Variants in SLC2A3 observed in about 807,000 individuals in gnomAD.
SLC2A3 encodes solute carrier family 2, facilitated glucose transporter member 3.
In SLC2A3, 21 loss-of-function variants were observed where a neutral mutation model predicts 46.4. The observed-to-expected ratio is 0.45, with a 90% CI of 0.32 to 0.65. SLC2A3 has a LOEUF of 0.65. SLC2A3 is among the 30% of genes least tolerant of loss of function. The pLI is 0.04. For missense variants in SLC2A3, 499 were observed against 623.3 expected (o/e 0.80, Z 2.12); for synonymous variants, 213 against 239.4 (o/e 0.89, Z 1.02).
intron 3 of SLC2A3, chr12:7,932,728 A>ATT: frequency 2.3e-6 from 1 of 425,572 alleles, no homozygotes; most frequent in Non-Finnish European, 4.2e-6. Flanking sequence ...CTAGGGAATA[A>ATT]TTCTGAACTA....
At chr12:7,922,247 T>C (rs1030458931) in intron 9 of SLC2A3, among the ~76,000 whole-genome samples, 2 of 152,110 alleles carry the variant, frequency 1.3e-5, no homozygotes, top group African/African-American at 2.4e-5. Context: ...GTATTTATTG[T>C]AGAAACAGGG....
rs972813335 is a variant in SLC2A3 at position 7,922,930 on chromosome 12, A to G, written c.1163T>C (p.Ile388Thr). Residue 388 changes from isoleucine (I) to threonine (T), a missense_variant, in exon 9 of 10, where the codon ATT becomes ACT. By Grantham distance (89) the Ile-to-Thr change is moderately conservative. Transcript: ENST00000075120. ...EIGPGPIPWFIVAELFSQGPR... is the reference protein window; with the variant it reads ...EIGPGPIPWFTVAELFSQGPR... ...GCCCTGGCTGAAGAGTTCGGCCACA[A>G]TAAACCAGGGAATGGGGCCTGGTCC... 43 of 1,614,030 alleles carry G rather than the reference A, an allele frequency of 2.7e-5. 1 individual carries two copies. Among genetic ancestry groups the G allele is most frequent in the Non-Finnish European group, 3.4e-5 (40 of 1,180,032 alleles).
intron 6 of SLC2A3, among the ~76,000 whole-genome samples, chr12:7,926,860 TA>T (rs771093931): frequency 1.1e-4 from 16 of 152,132 alleles, no homozygotes; most frequent in Non-Finnish European, 2.2e-4. Flanking sequence ...CAATTTAATA[TA>T]TATTAAATAA....
intron 1 of SLC2A3, 40 bp downstream of exon 1, chr12:7,935,980 C>G (rs1221897842): frequency 6.5e-7 from 1 of 1,542,408 alleles, no homozygotes; most frequent in African/African-American, 1.4e-5. Context: ...TGAGTGTATC[C>G]CAAACAAGCA....
chr12:7,929,236 C>T (rs1946126572), intron 6 of SLC2A3, among the ~76,000 whole-genome samples: 1 of 152,056 alleles, frequency 6.6e-6, no homozygotes, highest in African/African-American at 2.4e-5. Flanking sequence ...CTAGAAGGCA[C>T]AGGAATACTC....
intron 8 of SLC2A3, among the ~76,000 whole-genome samples, chr12:7,923,785 T>A (rs1169136797): frequency 2.2e-5 from 3 of 136,908 alleles, no homozygotes; most frequent in Non-Finnish European, 4.9e-5. Context: ...TTTTTTTTTT[T>A]GAGAGAGAGT....
At chr12:7,934,461 C>T (rs1158484886) in intron 1 of SLC2A3, among the ~76,000 whole-genome samples, 1 of 151,754 alleles carries the variant, frequency 6.6e-6, no homozygotes, top group Non-Finnish European at 1.5e-5. Context: ...TTTCAGTCTT[C>T]GTTTATTAAA....
chr12:7,922,199 G>T (rs1654208874), intron 9 of SLC2A3, among the ~76,000 whole-genome samples: 1 of 151,728 alleles, frequency 6.6e-6, no homozygotes, highest in South Asian at 2.1e-4. Flanking sequence ...CGCTCACTGG[G>T]ATTACAGTCA....
rs1448449240 is a variant in SLC2A3 at position 7,932,772 on chromosome 12, A to AG, written c.269+214dup. Reference sequence around the variant, plus strand: ...TGGACTGCAAAGGCCAATCACTCACAGTTCATCTCTTGCACAGCTGGGTGG... The same window carrying AG: ...TGGACTGCAAAGGCCAATCACTCACAGGTTCATCTCTTGCACAGCTGGGTGG... On this transcript the variant is annotated intron_variant, in intron 3 of 9. Coordinates refer to ENST00000075120, the MANE Select transcript of SLC2A3 (RefSeq NM_006931.3). 2.9e-5 allele frequency: 17 copies of AG among 589,522 alleles called. No individual in the cohort carries two copies. The East Asian group carries it at 4.9e-4, about 17-fold the overall frequency. 36.5% of individuals were successfully genotyped at this position (589,522 alleles called of 1,614,324 possible). A position where few individuals can be genotyped will look rare whatever the true frequency, so the allele number is the denominator to read the frequency against.
intron 6 of SLC2A3, among the ~76,000 whole-genome samples, chr12:7,928,233 A>C (rs1946114923): frequency 6.6e-6 from 1 of 151,896 alleles, no homozygotes; most frequent in Non-Finnish European, 1.5e-5. Context: ...CCTGTTCTCT[A>C]CTAAAAATAC....
intron 6 of SLC2A3, among the ~76,000 whole-genome samples, chr12:7,927,580 G>A (rs1354634728): frequency 1.3e-5 from 2 of 152,076 alleles, no homozygotes; most frequent in Non-Finnish European, 2.9e-5. Context: ...TGCAAAGTAG[G>A]TTGGAAAAGT....
chr12:7,929,989 C>G, intron 5 of SLC2A3, 118 bp from the exon 6 acceptor site: 1 of 1,230,178 alleles, frequency 8.1e-7, no homozygotes, highest in Non-Finnish European at 1.1e-6. Flanking sequence ...GCATCCATTC[C>G]TTTTTTTTTT....
At chr12:7,928,315 T>G (rs1946115749) in intron 6 of SLC2A3, among the ~76,000 whole-genome samples, 1 of 151,888 alleles carries the variant, frequency 6.6e-6, no homozygotes, top group South Asian at 2.1e-4. Context: ...GGAGAATCGC[T>G]TGAACCCAGG....
rs941734885 is a variant in SLC2A3, at chr12:7,932,102, G to A, written c.270-617C>T. On this transcript the variant is annotated intron_variant, in intron 3 of 9. Transcript: ENST00000075120. Reference sequence around the variant, plus strand: ...TCACCGTGTTAGCCAGGATGGTCTCGATCTCCTGACCTTGTTATCTGCCCG... The same window carrying A: ...TCACCGTGTTAGCCAGGATGGTCTCAATCTCCTGACCTTGTTATCTGCCCG... Among the ~76,000 whole-genome samples the A allele has an allele frequency of 3.3e-5, 5 of 151,552 alleles. No individual in the cohort carries two copies. The East Asian group carries it at 7.8e-4, about 24-fold the overall frequency.
intron 6 of SLC2A3, among the ~76,000 whole-genome samples, chr12:7,928,021 A>G (rs890595568): frequency 2.6e-5 from 4 of 151,972 alleles, no homozygotes; most frequent in African/African-American, 9.6e-5. Context: ...CAGGAGAATC[A>G]TTTGAACCCA....
Position 7,920,091 on chromosome 12 carries a change from A to T in SLC2A3, c.*1322T>A, listed in dbSNP as rs1365568499. 2 of 152,494 alleles carry T rather than the reference A, an allele frequency of 1.3e-5. No individual in the cohort carries two copies. Among genetic ancestry groups the T allele is most frequent in the Non-Finnish European group, 2.9e-5 (2 of 68,032 alleles). The allele number at this position is 152,494 out of a possible 1,614,324, so 9.4% of individuals were successfully genotyped here. ...ATACGCAAGCGTGCCGTGAGCCTAA[A>T]GCAACAACACACTTTAGATAATAAT... On this transcript the variant is annotated 3_prime_UTR_variant, in exon 10 of 10. Coordinates refer to ENST00000075120, the MANE Select transcript of SLC2A3 (RefSeq NM_006931.3).
Position 7,919,928 on chromosome 12 carries a change from T to G in SLC2A3, c.*1485A>C, listed in dbSNP as rs759299920. ...TAACGTACTTCCACCCAGAGCAAAG[T>G]GACAGTGCACATACATTCATCCTCT... is the stretch of plus-strand genomic sequence containing the variant. On this transcript the variant is annotated 3_prime_UTR_variant, in exon 10 of 10. Coordinates refer to ENST00000075120, the MANE Select transcript of SLC2A3 (RefSeq NM_006931.3). The G allele has an allele frequency of 1.3e-5, 2 of 152,060 alleles. No individual in the cohort carries two copies. The highest frequency in any genetic ancestry group is 1.3e-4 in the Admixed American group (2 of 15,262). 9.4% of individuals were successfully genotyped at this position (152,060 alleles called of 1,614,324 possible). A position where few individuals can be genotyped will look rare whatever the true frequency, so the allele number is the denominator to read the frequency against.
chr12:7,924,086 T>C lies in SLC2A3; in HGVS notation c.1068+324A>G, dbSNP rs144138169. Among the ~76,000 whole-genome samples, 391 of 152,244 alleles carry C rather than the reference T, an allele frequency of 2.6e-3. 3 individuals are homozygous for C. The highest frequency in any genetic ancestry group is 8.5e-3 in the African/African-American group (354 of 41,546). ...CCCAGCTGAGGATTGAATTTTTCAA[T>C]CCCATCTATATGATCTCATATATGT... is the stretch of plus-strand genomic sequence containing the variant. On this transcript the variant is annotated intron_variant, in intron 8 of 9. Coordinates refer to ENST00000075120, the MANE Select transcript of SLC2A3 (RefSeq NM_006931.3).
At chr12:7,935,917 T>G in intron 1 of SLC2A3, 103 bp downstream of exon 1, 2 of 980,892 alleles carry the variant, frequency 2.0e-6, no homozygotes, top group Non-Finnish European at 3.3e-6. Flanking sequence ...TAAGATAGCT[T>G]GGTGACTTAG....
Sources: allele counts gnomAD v4.1 joint callset (sites outside exome capture counted in the v4.1 genomes callset), GRCh38; gene constraint gnomAD v4.1.1; transcripts MANE v1.5; gene names NCBI Gene and HGNC (gene_info 2026-07-23, HGNC 2026-07-21).